DTNA: variants seen among roughly 807,000 people sequenced by gnomAD.
The protein encoded by DTNA is dystrobrevin alpha.
A neutral mutation model predicts 100.7 loss-of-function variants in DTNA; 43 were observed. The ratio of observed to expected loss-of-function variants is 0.43; its 90% CI spans 0.33 to 0.55. DTNA has a LOEUF of 0.55. Among genes scored for constraint, DTNA ranks in the 20% least tolerant of loss-of-function variants. DTNA has a pLI of 0.04. For missense variants in DTNA, 798 were observed against 953.9 expected (o/e 0.84, Z 2.15); for synonymous variants, 349 against 347.9 (o/e 1.00, Z -0.04).
upstream of DTNA, among the ~76,000 whole-genome samples, chr18:34,708,444 A>G (rs1164814733): frequency 1.3e-5 from 2 of 152,226 alleles, no homozygotes; most frequent in African/African-American, 4.8e-5. Context: ...GAATACCACA[A>G]TGAACTGCTG....
intron 17 of DTNA, chr18:34,866,579 C>A: frequency 5.9e-6 from 6 of 1,012,310 alleles, no homozygotes; most frequent in Non-Finnish European, 7.1e-6. Flanking sequence ...GTATTCAGTT[C>A]GGTTTCATTT....
At position 34,829,679 on chromosome 18, in the gene DTNA, C is replaced by T. The variant is rs148773881; in HGVS notation, c.1175+190C>T. 8.1e-3 allele frequency among the ~76,000 whole-genome samples: 1,236 copies of T among 152,284 alleles called. 19 individuals are homozygous for T. Among genetic ancestry groups the T allele is most frequent in the African/African-American group, 0.029 (1,191 of 41,544 alleles). The stretch of plus-strand genomic sequence containing the variant: ...ACTTTGCAGCTCTTTCCTCTCCTTT[C>T]CACATATTTTATGGATTTCATAGCC... On this transcript the variant is annotated intron_variant, in intron 11 of 22. Coordinates refer to ENST00000444659, the MANE Select transcript of DTNA (RefSeq NM_001386795.1).
At chr18:34,499,869 T>C (rs2144559448) in intron 1 of DTNA, among the ~76,000 whole-genome samples, 1 of 152,326 alleles carries the variant, frequency 6.6e-6, no homozygotes, top group Non-Finnish European at 1.5e-5. Context: ...ATAATTGTTC[T>C]TTCTAAGATA....
chr18:34,889,048 C>T lies in DTNA; in HGVS notation c.*1314C>T. 1.0e-6 allele frequency: 1 copy of T among 985,684 alleles called. No homozygotes were observed. The highest frequency in any genetic ancestry group is 1.2e-6 in the Non-Finnish European group (1 of 829,912). 61.1% of individuals were successfully genotyped at this position (985,684 alleles called of 1,614,324 possible). A position where few individuals can be genotyped will look rare whatever the true frequency, so the allele number is the denominator to read the frequency against. On this transcript the variant is annotated 3_prime_UTR_variant, in exon 23 of 23. Coordinates refer to ENST00000444659, the MANE Select transcript of DTNA (RefSeq NM_001386795.1). The stretch of plus-strand genomic sequence containing the variant: ...GACTGGGATAGTCTTTTCCAAGGAC[C>T]CTCTTTAGAGGGCCCTAAAGACCTC...
chr18:34,564,290 G>A (rs1057344074), intron 1 of DTNA, among the ~76,000 whole-genome samples: 13 of 152,178 alleles, frequency 8.5e-5, no homozygotes, highest in Non-Finnish European at 1.5e-4. Flanking sequence ...TTACAGGCAC[G>A]CGCCACTACG....
chr18:34,885,530 A>G (rs1230890548), intron 22 of DTNA, among the ~76,000 whole-genome samples: 2 of 152,160 alleles, frequency 1.3e-5, no homozygotes, highest in Non-Finnish European at 2.9e-5. Context: ...TACGGGTTTC[A>G]CCAAATCCTA....
intron 1 of DTNA, among the ~76,000 whole-genome samples, chr18:34,539,540 C>T (rs1489158330): frequency 6.6e-6 from 1 of 151,862 alleles, no homozygotes; most frequent in Non-Finnish European, 1.5e-5. Flanking sequence ...TCCAGGCAGG[C>T]TAGTTTAGTG....
chr18:34,791,315 C>T (rs2094731444), intron 3 of DTNA, among the ~76,000 whole-genome samples: 2 of 152,068 alleles, frequency 1.3e-5, no homozygotes, highest in South Asian at 4.1e-4. Flanking sequence ...ATGTCTGTTC[C>T]ACATCATCCA....
chr18:34,746,618 C>T (rs1313651222), intron 1 of DTNA, among the ~76,000 whole-genome samples: 1 of 152,116 alleles, frequency 6.6e-6, no homozygotes, highest in Non-Finnish European at 1.5e-5. Flanking sequence ...ACAGCTGACC[C>T]CACCTATGAT....
intron 3 of DTNA, among the ~76,000 whole-genome samples, chr18:34,789,927 A>G (rs549953310): frequency 1.3e-5 from 2 of 152,298 alleles, no homozygotes; most frequent in East Asian, 3.9e-4. Flanking sequence ...TGTCATAGTA[A>G]TCATCCGAAA....
intron 1 of DTNA, among the ~76,000 whole-genome samples, chr18:34,671,015 C>A (rs555323311): frequency 6.6e-6 from 1 of 152,318 alleles, no homozygotes; most frequent in African/African-American, 2.4e-5. Context: ...GCCCTTCCCC[C>A]AGAGGTGGAG....
At chr18:34,758,674 C>G (rs2092942040) in intron 2 of DTNA, among the ~76,000 whole-genome samples, 1 of 152,150 alleles carries the variant, frequency 6.6e-6, no homozygotes, top group African/African-American at 2.4e-5. Flanking sequence ...GAAAGACATT[C>G]CTGGGTTGTA....
chr18:34,627,807 C>A (rs972176032), intron 1 of DTNA, among the ~76,000 whole-genome samples: 3 of 152,148 alleles, frequency 2.0e-5, no homozygotes, highest in Admixed American at 6.5e-5. Context: ...TAAGTCTGGG[C>A]AAAATATGAA....
chr18:34,751,136 A>G (rs2092278522), intron 1 of DTNA, among the ~76,000 whole-genome samples: 1 of 152,232 alleles, frequency 6.6e-6, no homozygotes, highest in Admixed American at 6.5e-5. Flanking sequence ...CCATGGGGCC[A>G]AAAGATTATT....
At position 34,772,777 on chromosome 18, in the gene DTNA, A is replaced by G. The variant is rs765356666; in HGVS notation, c.148+6736A>G. On this transcript the variant is annotated intron_variant, in intron 3 of 22. Coordinates refer to ENST00000444659, the MANE Select transcript of DTNA (RefSeq NM_001386795.1). ...ACATTTATTATCTTACAGTTTTTGT[A>G]GGTCAGAAATCCAATGCAGCATGGC... 5.5e-4 allele frequency among the ~76,000 whole-genome samples: 84 copies of G among 152,244 alleles called. 1 individual carries two copies. The highest frequency in any genetic ancestry group is 8.4e-4 in the Non-Finnish European group (57 of 68,032).
chr18:34,665,310 A>T (rs993282451), intron 1 of DTNA, among the ~76,000 whole-genome samples: 2 of 152,212 alleles, frequency 1.3e-5, no homozygotes, highest in Admixed American at 6.6e-5. Flanking sequence ...TTTTCATGCT[A>T]AGAATTTGTC....
intron 1 of DTNA, among the ~76,000 whole-genome samples, chr18:34,586,966 GTT>G (rs56229514): frequency 6.8e-6 from 1 of 146,008 alleles, no homozygotes. Context: ...AAAATCTTTA[GTT>G]TTTTTTTTTT....
At chr18:34,767,002 T>C (rs2093512352) in intron 3 of DTNA, among the ~76,000 whole-genome samples, 1 of 152,274 alleles carries the variant, frequency 6.6e-6, no homozygotes, top group East Asian at 1.9e-4. Context: ...GGTCAACACT[T>C]CCATTGTATT....
intron 16 of DTNA, among the ~76,000 whole-genome samples, chr18:34,859,322 T>C (rs1234136499): frequency 6.6e-6 from 1 of 151,416 alleles, no homozygotes; most frequent in Non-Finnish European, 1.5e-5. Flanking sequence ...GAAAGCAGAT[T>C]TATTGAAACG....
Sources: allele counts gnomAD v4.1 joint callset (sites outside exome capture counted in the v4.1 genomes callset), GRCh38; gene constraint gnomAD v4.1.1; transcripts MANE v1.5; gene names NCBI Gene and HGNC (gene_info 2026-07-23, HGNC 2026-07-21).